NCAM2: variants seen among roughly 807,000 people sequenced by gnomAD.
The protein encoded by NCAM2 is N-CAM-2.
In NCAM2, 30 loss-of-function variants were observed where a neutral mutation model predicts 98.1. The observed-to-expected ratio is 0.31, with a 90% confidence interval of 0.23 to 0.41. The LOEUF (loss-of-function observed/expected upper bound fraction) is 0.41, where lower values mean the gene tolerates loss of function less well. NCAM2 is among the 10% of genes least tolerant of loss of function. The pLI is 1.00. For missense variants in NCAM2, 867 were observed against 1,005.8 expected (o/e 0.86, Z 1.87); for synonymous variants, 368 against 342.4 (o/e 1.07, Z -0.83).
chr21:21,184,421 A>G (rs1370969183), intron 1 of NCAM2, among the ~76,000 whole-genome samples: 1 of 152,116 alleles, frequency 6.6e-6, no homozygotes, highest in Non-Finnish European at 1.5e-5. Context: ...AAAGGCTGGT[A>G]GCATCATACA....
intron 16 of NCAM2, among the ~76,000 whole-genome samples, chr21:21,519,213 G>C (rs942457075): frequency 6.6e-6 from 1 of 152,098 alleles, no homozygotes; most frequent in Admixed American, 6.6e-5. Context: ...AATTTTGTTT[G>C]AAATAGAAGA....
chr21:21,040,476 G>A (rs1032776486), intron 1 of NCAM2, among the ~76,000 whole-genome samples: 6 of 151,898 alleles, frequency 4.0e-5, no homozygotes, highest in Non-Finnish European at 7.4e-5. Context: ...CAATGGAAAC[G>A]TCCACTATAG....
chr21:21,373,741 G>A, intron 8 of NCAM2, 122 bp from the exon 9 acceptor site: 1 of 872,630 alleles, frequency 1.1e-6, no homozygotes, highest in Non-Finnish European at 1.7e-6. Context: ...TTCTACATCA[G>A]GAACAGTTTC....
At chr21:21,350,180 AATAC>A (rs2075297276) in intron 8 of NCAM2, among the ~76,000 whole-genome samples, 1 of 152,140 alleles carries the variant, frequency 6.6e-6, no homozygotes. Context: ...GTACCCCACA[AATAC>A]ATACACCTAC....
At chr21:21,169,819 G>C (rs1034183172) in intron 1 of NCAM2, among the ~76,000 whole-genome samples, 1 of 152,024 alleles carries the variant, frequency 6.6e-6, no homozygotes, top group South Asian at 2.1e-4. Flanking sequence ...GTAGCCTGAT[G>C]TGGTGGTGCA....
intron 1 of NCAM2, among the ~76,000 whole-genome samples, chr21:21,108,348 C>G (rs948210457): frequency 6.6e-6 from 1 of 151,970 alleles, no homozygotes; most frequent in Admixed American, 6.6e-5. Flanking sequence ...TTTAATTTCT[C>G]TTGTAAAAGT....
At chr21:21,498,472 T>A (rs1987403508) in intron 15 of NCAM2, among the ~76,000 whole-genome samples, 1 of 152,186 alleles carries the variant, frequency 6.6e-6, no homozygotes, top group Non-Finnish European at 1.5e-5. Flanking sequence ...CCCATACAGC[T>A]CTCATTCAAT....
intron 1 of NCAM2, among the ~76,000 whole-genome samples, chr21:21,128,793 CTTAAA>C (rs746873149): frequency 6.6e-6 from 1 of 151,934 alleles, no homozygotes; most frequent in African/African-American, 2.4e-5. Context: ...AAGATCAATG[CTTAAA>C]TTAAATCTAC....
At position 21,492,198 on chromosome 21, in the gene NCAM2, C is replaced by A. The variant is rs140890064; in HGVS notation, c.2077+14727C>A. 2.8e-4 allele frequency among the ~76,000 whole-genome samples: 42 copies of A among 151,906 alleles called. No individual in the cohort carries two copies. In the East Asian group the frequency reaches 7.9e-3, roughly 29 times the overall value. The stretch of plus-strand genomic sequence containing the variant: ...AATAGTCATTGATATAGTCAAGCAA[C>A]TTTGATTCTCAGTTTTCCTCCTATC... On this transcript the variant is annotated intron_variant, in intron 15 of 17. Coordinates refer to ENST00000400546, the MANE Select transcript of NCAM2 (RefSeq NM_004540.5).
intron 1 of NCAM2, among the ~76,000 whole-genome samples, chr21:21,054,247 G>A (rs1430346721): frequency 6.6e-6 from 1 of 152,000 alleles, no homozygotes; most frequent in Non-Finnish European, 1.5e-5. Flanking sequence ...GAACCTAGGC[G>A]TAAGTACAAA....
intron 1 of NCAM2, among the ~76,000 whole-genome samples, chr21:21,259,919 A>AACACAC (rs10618210): frequency 3.6e-4 from 51 of 142,078 alleles, no homozygotes; most frequent in African/African-American, 1.2e-3. Context: ...AATAAGAAGC[A>AACACAC]ACACACACAC....
chr21:21,097,384 T>C (rs539399106), intron 1 of NCAM2, among the ~76,000 whole-genome samples: 20 of 151,872 alleles, frequency 1.3e-4, no homozygotes, highest in Non-Finnish European at 2.1e-4. Flanking sequence ...CACTAAACAG[T>C]GGAAACGAGT....
At chr21:21,003,459 T>C (rs1011542757) in intron 1 of NCAM2, among the ~76,000 whole-genome samples, 2 of 152,174 alleles carry the variant, frequency 1.3e-5, no homozygotes, top group African/African-American at 4.8e-5. Context: ...AAGCAACTTA[T>C]GCTCTTAGAA....
chr21:21,145,277 A>T (rs2067248287), intron 1 of NCAM2, among the ~76,000 whole-genome samples: 1 of 152,194 alleles, frequency 6.6e-6, no homozygotes, highest in Non-Finnish European at 1.5e-5. Flanking sequence ...AAAACAACAA[A>T]AACAAAAATA....
chr21:21,317,700 T>G (rs2074260096), intron 5 of NCAM2, among the ~76,000 whole-genome samples: 1 of 151,952 alleles, frequency 6.6e-6, no homozygotes, highest in African/African-American at 2.4e-5. Flanking sequence ...ATCCTGCTAA[T>G]TTTTTCTATT....
chr21:21,238,076 C>G (rs1446006128), intron 1 of NCAM2, among the ~76,000 whole-genome samples: 2 of 151,270 alleles, frequency 1.3e-5, no homozygotes, highest in Non-Finnish European at 2.9e-5. Context: ...CTGCCTCAGC[C>G]TCCCAAGTAG....
At chr21:21,019,747 T>C (rs1294501899) in intron 1 of NCAM2, among the ~76,000 whole-genome samples, 2 of 152,212 alleles carry the variant, frequency 1.3e-5, no homozygotes, top group Non-Finnish European at 2.9e-5. Context: ...GAGGTAGTTA[T>C]TAGCTTTGCA....
At chr21:21,435,145 A>G (rs1489482369) in intron 12 of NCAM2, among the ~76,000 whole-genome samples, 1 of 152,148 alleles carries the variant, frequency 6.6e-6, no homozygotes, top group Admixed American at 6.6e-5. Flanking sequence ...TGTGAATGTC[A>G]CCCACTAACA....
chr21:21,302,403 T>C (rs1472826265), intron 5 of NCAM2, among the ~76,000 whole-genome samples: 1 of 152,108 alleles, frequency 6.6e-6, no homozygotes, highest in Admixed American at 6.6e-5. Context: ...TTTTTTGGCC[T>C]TGTTGAAGCT....
Sources: allele counts gnomAD v4.1 joint callset (sites outside exome capture counted in the v4.1 genomes callset), GRCh38; gene constraint gnomAD v4.1.1; transcripts MANE v1.5; gene names NCBI Gene and HGNC (gene_info 2026-07-23, HGNC 2026-07-21).